Variants in ZMYM2 observed in about 807,000 individuals in gnomAD.
ZMYM2 encodes zinc finger MYM-type containing 2.
A neutral mutation model predicts 162.8 loss-of-function variants in ZMYM2; 56 were observed. The ratio of observed to expected loss-of-function variants is 0.34; its 90% CI spans 0.28 to 0.43. ZMYM2 has a LOEUF of 0.43. Ranked by LOEUF, ZMYM2 falls within the 20% of genes least tolerant of loss-of-function variation. The probability of loss-of-function intolerance (pLI) is 1.00; values close to 1 mark genes in which losing one functional copy is unlikely to be tolerated. For synonymous variants in ZMYM2, 510 were observed against 541.6 expected, an observed-to-expected ratio of 0.94 and a Z score of 0.81; for missense variants, 1,275 against 1,621.8, an observed-to-expected ratio of 0.79 and a Z score of 3.67.
chr13:19,918,505 T>C, the ZMYM2 span, among the ~76,000 whole-genome samples: 1 of 145,526 alleles, frequency 6.9e-6, no homozygotes, highest in African/African-American at 2.5e-5. Context: ...CTTTTTTTTT[T>C]TTTTTTTTTT....
At chr13:19,877,813 T>G in the ZMYM2 span, among the ~76,000 whole-genome samples, 1 of 152,192 alleles carries the variant, frequency 6.6e-6, no homozygotes, top group African/African-American at 2.4e-5. Context: ...CTAAGGTTGC[T>G]TCCACATTTT....
chr13:20,064,562 GC>G lies in ZMYM2; in HGVS notation c.3132+19del. 6.5e-7 allele frequency: 1 copy of G among 1,542,558 alleles called. No homozygotes were observed. Among genetic ancestry groups the G allele is most frequent in the Non-Finnish European group, 8.8e-7 (1 of 1,142,136 alleles). ...AAAAAAAAGGTACATTCACTTAATA[GC>G]CTATATAACAATATTTCTCTATAGG... is the stretch of plus-strand genomic sequence containing the variant. On this transcript the variant is annotated intron_variant, in intron 19 of 24. Coordinates refer to ENST00000610343, the MANE Select transcript of ZMYM2 (RefSeq NM_197968.4).
rs1036883918 is a variant in ZMYM2 at position 20,087,646 on chromosome 13, AATT to A, written c.*1635_*1637del. 1 of 184,014 alleles carries A rather than the reference AATT, an allele frequency of 5.4e-6. No homozygotes were observed. Among genetic ancestry groups the A allele is most frequent in the African/African-American group, 2.3e-5 (1 of 42,606 alleles). 11.4% of individuals were successfully genotyped at this position (184,014 alleles called of 1,614,324 possible). On this transcript the variant is annotated 3_prime_UTR_variant, in exon 25 of 25. Transcript: ENST00000610343. ...TGTCATTATTGTATATCTAAGCAATAATTATCTGAATGTTTTGGCATAAAAAAT... is the reference window on the plus strand; with the variant it reads ...TGTCATTATTGTATATCTAAGCAATAATCTGAATGTTTTGGCATAAAAAAT...
chr13:19,985,177 G>T (rs1283170339), intron 2 of ZMYM2, among the ~76,000 whole-genome samples: 1 of 152,176 alleles, frequency 6.6e-6, no homozygotes, highest in Non-Finnish European at 1.5e-5. Context: ...AGGCTGGAGT[G>T]TAGTGGCATG....
chr13:19,916,540 G>C, the ZMYM2 span, among the ~76,000 whole-genome samples: 5 of 152,206 alleles, frequency 3.3e-5, no homozygotes, highest in African/African-American at 1.2e-4. Context: ...CCATAGAAAA[G>C]GATGAGTTCA....
At chr13:19,943,670 G>A in the ZMYM2 span, among the ~76,000 whole-genome samples, 1 of 152,084 alleles carries the variant, frequency 6.6e-6, no homozygotes, top group East Asian at 1.9e-4. Flanking sequence ...GTTTTTCAGT[G>A]GGAGAAGGGT....
chr13:19,937,884 T>C, the ZMYM2 span, among the ~76,000 whole-genome samples: 3 of 149,190 alleles, frequency 2.0e-5, no homozygotes, highest in East Asian at 2.0e-4. Flanking sequence ...TGAGAACATG[T>C]GGTGTTTGGT....
intron 2 of ZMYM2, chr13:19,969,994 C>G: frequency 1.0e-6 from 1 of 978,412 alleles, no homozygotes; most frequent in Non-Finnish European, 1.2e-6. Context: ...GTCTCATTTG[C>G]TTATTGATGC....
chr13:20,069,024 A>C (rs867136028), intron 21 of ZMYM2, among the ~76,000 whole-genome samples: 1 of 152,236 alleles, frequency 6.6e-6, no homozygotes, highest in African/African-American at 2.4e-5. Context: ...ACTGATCTCT[A>C]GTCTACCTAG....
chr13:19,954,198 G>A (rs1204475927), upstream of ZMYM2, among the ~76,000 whole-genome samples: 2 of 135,042 alleles, frequency 1.5e-5, no homozygotes, highest in Non-Finnish European at 3.1e-5. Flanking sequence ...GCACAATCTC[G>A]GCTCACTGCA....
chr13:19,927,728 G>A, the ZMYM2 span, among the ~76,000 whole-genome samples: 3 of 152,112 alleles, frequency 2.0e-5, no homozygotes, highest in African/African-American at 7.2e-5. Context: ...AATAATTTCC[G>A]ATGTGGTTGG....
chr13:20,059,368 T>C (rs532650692), intron 15 of ZMYM2, 79 bp from the exon 16 acceptor site: 3 of 1,497,846 alleles, frequency 2.0e-6, no homozygotes, highest in Admixed American at 4.9e-5. Flanking sequence ...AATTTTTCTT[T>C]ATCAAATTAT....
chr13:20,019,295 A>G (rs1280982421), intron 6 of ZMYM2, among the ~76,000 whole-genome samples: 2 of 152,184 alleles, frequency 1.3e-5, no homozygotes, highest in South Asian at 2.1e-4. Context: ...CTAAGTATCT[A>G]TCTTTAATTC....
intron 21 of ZMYM2, 78 bp downstream of exon 21, chr13:20,067,468 G>A (rs1042283475): frequency 2.9e-6 from 4 of 1,402,080 alleles, no homozygotes; most frequent in Non-Finnish European, 3.8e-6. Context: ...GTAGCATTAT[G>A]GAACCTTTAT....
At chr13:20,002,710 A>G (rs1394305077) in intron 3 of ZMYM2, 140 bp from the exon 4 acceptor site, 5 of 1,038,512 alleles carry the variant, frequency 4.8e-6, no homozygotes, top group East Asian at 2.6e-5. Flanking sequence ...CTTGTGCTAT[A>G]TACCTCTCTG....
In ZMYM2 at chr13:19,993,679, G is replaced by A. The variant is rs1316725713; in HGVS notation, c.607G>A (p.Glu203Lys). The A allele has an allele frequency of 2.5e-6, 4 of 1,613,872 alleles. No individual in the cohort carries two copies. The highest frequency in any genetic ancestry group is 3.4e-6 in the Non-Finnish European group (4 of 1,179,894). Reference protein sequence around the residue: ...GVSSVNDGQLENTDGRDMNLM... With the variant: ...GVSSVNDGQLKNTDGRDMNLM... ...AAGCTCTGTGAATGATGGCCAATTA[G>A]AAAATACTGACGGGCGAGATATGAA... is the stretch of plus-strand genomic sequence containing the variant. The change falls in exon 3 of 25, where the codon GAA becomes AAA. Residue 203 changes from glutamate (E) to lysine (K), a missense_variant. Glu to Lys is a moderately conservative substitution (Grantham distance 56). Coordinates refer to ENST00000610343, the MANE Select transcript of ZMYM2 (RefSeq NM_197968.4).
At chr13:19,885,973 A>ACATATATGTGTGTATACACATATATGTG in the ZMYM2 span, among the ~76,000 whole-genome samples, 12 of 117,824 alleles carry the variant, frequency 1.0e-4, 2 homozygotes, top group Admixed American at 2.6e-4. Context: ...GTGTATACAC[A>ACATATATGTGTGTATACACATATATGTG]TATATATGTA....
the ZMYM2 span, among the ~76,000 whole-genome samples, chr13:19,906,284 GTATATATA>G: frequency 1.6e-3 from 100 of 63,790 alleles, no homozygotes; most frequent in African/African-American, 2.3e-3. Context: ...TCAAAAAAAA[GTATATATA>G]TATATATATA....
chr13:19,988,597 C>T (rs771375102), intron 2 of ZMYM2, among the ~76,000 whole-genome samples: 3 of 152,072 alleles, frequency 2.0e-5, no homozygotes, highest in Non-Finnish European at 2.9e-5. Context: ...TCCTGGCCAA[C>T]GTGGTGAAAC....
Sources: gnomAD v4.1 joint callset for allele counts (sites outside exome capture counted in the v4.1 genomes callset) on GRCh38, gnomAD v4.1.1 for gene constraint, MANE v1.5 for transcripts, NCBI Gene and HGNC (gene_info 2026-07-23, HGNC 2026-07-21) for gene names.